Variants in IL12RB2 observed in about 807,000 individuals in gnomAD.
IL12RB2 encodes interleukin 12 receptor subunit beta 2.
Under a neutral mutation model 89.4 loss-of-function variants are expected in IL12RB2, and 82 were observed. The observed-to-expected ratio is 0.92, with a 90% confidence interval of 0.77 to 1.10. The LOEUF is 1.10. Among genes scored for constraint, IL12RB2 ranks in the 50% least tolerant of loss-of-function variants. IL12RB2 has a pLI of 0.00. For missense variants in IL12RB2, 963 were observed against 1,031.9 expected (o/e 0.93, Z 0.92); for synonymous variants, 368 against 370.1 (o/e 0.99, Z 0.07).
chr1:67,330,502 C>T (rs1487816516), intron 7 of IL12RB2, among the ~76,000 whole-genome samples, 158 bp from the exon 8 acceptor site: 12 of 150,780 alleles, frequency 8.0e-5, no homozygotes, highest in South Asian at 2.1e-4. Context: ...CATATCTATT[C>T]GGTAAGACAG....
Position 67,325,759 on chromosome 1 carries a change from G to A in IL12RB2, c.365-976G>A, listed in dbSNP as rs1214494996. Among the ~76,000 whole-genome samples, 4 of 152,270 alleles carry A rather than the reference G, an allele frequency of 2.6e-5. No individual in the cohort carries two copies. In the East Asian group the frequency reaches 7.7e-4, roughly 29 times the overall value. On this transcript the variant is annotated intron_variant, in intron 4 of 16. Transcript: ENST00000674203. Reference sequence around the variant, plus strand: ...TTAATCAATAACAGATTTTTTCAGTGTAGACAATAGCTAGGACTTCTGTAG... The same window carrying A: ...TTAATCAATAACAGATTTTTTCAGTATAGACAATAGCTAGGACTTCTGTAG...
intron 4 of IL12RB2, among the ~76,000 whole-genome samples, chr1:67,324,711 G>C (rs778916662): frequency 2.6e-5 from 4 of 152,134 alleles, no homozygotes; most frequent in Non-Finnish European, 4.4e-5. Context: ...CCACCTGTGT[G>C]GAGTCTCTGA....
At position 67,390,053 on chromosome 1, in the gene IL12RB2, C is replaced by A; in HGVS notation, c.1971C>A (p.Leu657=). ...QQKVFVLLAA[L]RPQWCSREIP... The stretch of plus-strand genomic sequence containing the variant: ...GGGTGTTTGTTCTCCTAGCAGCCCT[C>A]AGACCTCAGTGGTGTAGCAGAGAAA... Residue 657 remains leucine (L), a synonymous_variant, in exon 16 of 17, where the codon CTC becomes CTA. Transcript: ENST00000674203. 1 of 1,345,800 alleles carries A rather than the reference C, an allele frequency of 7.4e-7. No homozygotes were observed. Among genetic ancestry groups the A allele is most frequent in the Non-Finnish European group, 1.1e-6 (1 of 934,796 alleles). 83.4% of individuals were successfully genotyped at this position (1,345,800 alleles called of 1,614,324 possible). A position where few individuals can be genotyped will look rare whatever the true frequency, so the allele number is the denominator to read the frequency against.
intron 4 of IL12RB2, among the ~76,000 whole-genome samples, chr1:67,323,090 A>G (rs954957308): frequency 2.8e-4 from 43 of 152,196 alleles, no homozygotes; most frequent in African/African-American, 9.9e-4. Flanking sequence ...TATAGAGCTC[A>G]ATGAGACTCT....
Position 67,380,129 on chromosome 1 carries a change from A to C in IL12RB2, c.1855+6A>C. 6.2e-7 allele frequency: 1 copy of C among 1,614,130 alleles called. No individual in the cohort carries two copies. Among genetic ancestry groups the C allele is most frequent in the South Asian group, 1.1e-5 (1 of 91,090 alleles). The stretch of plus-strand genomic sequence containing the variant: ...GAGGGAATTTTGTCTGCAAGGTGAG[A>C]GGCAGTGTTAAGGATGATGAGTCCA... On this transcript the variant is annotated splice_donor_region_variant and intron_variant, in intron 14 of 16. Coordinates refer to ENST00000674203, the MANE Select transcript of IL12RB2 (RefSeq NM_001374259.2).
chr1:67,364,799 A>G (rs892833366), intron 10 of IL12RB2, among the ~76,000 whole-genome samples: 6 of 152,238 alleles, frequency 3.9e-5, no homozygotes, highest in African/African-American at 1.4e-4. Context: ...AGCATCCTCA[A>G]TCAACTAAAC....
intron 14 of IL12RB2, among the ~76,000 whole-genome samples, chr1:67,384,209 C>G (rs1397045986): frequency 6.6e-6 from 1 of 152,268 alleles, no homozygotes; most frequent in Non-Finnish European, 1.5e-5. Context: ...CATCCAGGCA[C>G]TTCCATACAT....
At position 67,387,619 on chromosome 1, in the gene IL12RB2, A is replaced by C. The variant is rs182520528; in HGVS notation, c.1946+950A>C. Reference sequence around the variant, plus strand: ...CTCAGGAGGCTAAGGCAGGAGAATCACTTGAACCTGGGAGGTGGAGATTGC... The same window carrying C: ...CTCAGGAGGCTAAGGCAGGAGAATCCCTTGAACCTGGGAGGTGGAGATTGC... On this transcript the variant is annotated intron_variant, in intron 15 of 16. Coordinates refer to ENST00000674203, the MANE Select transcript of IL12RB2 (RefSeq NM_001374259.2). 5.6e-3 allele frequency among the ~76,000 whole-genome samples: 826 copies of C among 148,550 alleles called. 8 individuals are homozygous for C. Among genetic ancestry groups the C allele is most frequent in the African/African-American group, 0.019 (760 of 40,738 alleles).
intron 10 of IL12RB2, among the ~76,000 whole-genome samples, chr1:67,356,440 CAA>C (rs1259382132): frequency 2.0e-5 from 3 of 152,204 alleles, no homozygotes; most frequent in African/African-American, 7.2e-5. Context: ...GAGCTGGGAG[CAA>C]AGAGTGCCTG....
chr1:67,347,421 A>G (rs1569951565), intron 9 of IL12RB2, among the ~76,000 whole-genome samples: 1 of 152,302 alleles, frequency 6.6e-6, no homozygotes, highest in East Asian at 1.9e-4. Context: ...TCATGGAGAC[A>G]CCCCTCCTCC....
At chr1:67,388,706 T>G (rs1011284461) in intron 15 of IL12RB2, among the ~76,000 whole-genome samples, 1 of 152,216 alleles carries the variant, frequency 6.6e-6, no homozygotes, top group Non-Finnish European at 1.5e-5. Flanking sequence ...TTAGTTTTTC[T>G]TGTTTAATTA....
At chr1:67,309,304 C>G (rs1023315996) in intron 1 of IL12RB2, among the ~76,000 whole-genome samples, 1 of 152,134 alleles carries the variant, frequency 6.6e-6, no homozygotes, top group African/African-American at 2.4e-5. Context: ...ATGTTTCACA[C>G]AGTTAGAGAG....
intron 16 of IL12RB2, among the ~76,000 whole-genome samples, chr1:67,393,213 G>T (rs1666012835): frequency 6.6e-6 from 1 of 152,146 alleles, no homozygotes; most frequent in Non-Finnish European, 1.5e-5. Flanking sequence ...TGTTTCTTAA[G>T]ATGTGGCTAC....
intron 10 of IL12RB2, among the ~76,000 whole-genome samples, chr1:67,367,209 G>A (rs1023309009): frequency 3.3e-5 from 5 of 151,270 alleles, no homozygotes; most frequent in Non-Finnish European, 4.4e-5. Flanking sequence ...CCTGGGCAAC[G>A]TAGCAAGACC....
At chr1:67,355,273 G>T (rs993201550) in intron 10 of IL12RB2, among the ~76,000 whole-genome samples, 1 of 151,980 alleles carries the variant, frequency 6.6e-6, no homozygotes, top group Non-Finnish European at 1.5e-5. Context: ...AATTAGCCAG[G>T]TGTGGTAGTG....
intron 2 of IL12RB2, among the ~76,000 whole-genome samples, chr1:67,315,638 G>A (rs942553917): frequency 6.6e-6 from 1 of 152,084 alleles, no homozygotes; most frequent in Non-Finnish European, 1.5e-5. Context: ...TATGGGACAT[G>A]GGAGACATGA....
intron 16 of IL12RB2, among the ~76,000 whole-genome samples, chr1:67,392,112 G>A (rs1265645585): frequency 1.3e-5 from 2 of 152,080 alleles, no homozygotes; most frequent in Non-Finnish European, 2.9e-5. Flanking sequence ...TTAAACACGG[G>A]GTGAGGAGAG....
intron 10 of IL12RB2, among the ~76,000 whole-genome samples, chr1:67,352,056 T>C (rs1185249744): frequency 6.6e-6 from 1 of 152,226 alleles, no homozygotes; most frequent in Non-Finnish European, 1.5e-5. Context: ...TTATTTAATA[T>C]ACACTGTTAA....
At chr1:67,326,298 C>T (rs1174105384) in intron 4 of IL12RB2, among the ~76,000 whole-genome samples, 1 of 152,130 alleles carries the variant, frequency 6.6e-6, no homozygotes, top group Non-Finnish European at 1.5e-5. Context: ...TGGATGTTCA[C>T]CTGTCAGGGA....
Sources: allele counts gnomAD v4.1 joint callset (sites outside exome capture counted in the v4.1 genomes callset), GRCh38; gene constraint gnomAD v4.1.1; transcripts MANE v1.5; gene names NCBI Gene and HGNC (gene_info 2026-07-23, HGNC 2026-07-21).